TRAPPC9: variants seen among roughly 807,000 people sequenced by gnomAD.
The protein encoded by TRAPPC9 is IKK2 binding protein.
TRAPPC9 carries 83 observed loss-of-function variants against 124.0 expected under a neutral mutation model. That is an observed-to-expected ratio of 0.67 (90% confidence interval 0.56 to 0.80). The LOEUF (loss-of-function observed/expected upper bound fraction) is 0.80. Ranked by LOEUF, TRAPPC9 falls within the 30% of genes least tolerant of loss-of-function variation. TRAPPC9 has a pLI of 0.00. For synonymous variants in TRAPPC9, 638 were observed against 617.5 expected (o/e 1.03, Z -0.49); for missense variants, 1,302 against 1,508.3 (o/e 0.86, Z 2.27).
chr8:139,735,882 TAAG>T (rs1395834707), intron 21 of TRAPPC9, among the ~76,000 whole-genome samples: 1 of 152,144 alleles, frequency 6.6e-6, no homozygotes, highest in Non-Finnish European at 1.5e-5. Flanking sequence ...TGCTACTTTC[TAAG>T]AAGAGGGGAA....
At chr8:139,881,050 C>T (rs951340640) in intron 21 of TRAPPC9, 3 of 152,262 alleles carry the variant, frequency 2.0e-5, no homozygotes, top group Admixed American at 1.3e-4. Context: ...CAACATGCCT[C>T]TGTGCCCACA....
intron 19 of TRAPPC9, chr8:139,933,999 G>T (rs970190945): frequency 6.6e-6 from 1 of 152,120 alleles, no homozygotes; most frequent in African/African-American, 2.4e-5. Context: ...CTACATGATC[G>T]TAATACCATC....
intron 16 of TRAPPC9, among the ~76,000 whole-genome samples, chr8:140,242,032 AAAAG>A (rs1436226568): frequency 3.3e-5 from 5 of 152,130 alleles, no homozygotes; most frequent in Admixed American, 1.3e-4. Flanking sequence ...GGTTGGCAGA[AAAAG>A]AGAGACGGAC....
chr8:140,214,196 A>G (rs1048533637), intron 17 of TRAPPC9, among the ~76,000 whole-genome samples: 2 of 152,204 alleles, frequency 1.3e-5, no homozygotes, highest in Admixed American at 6.5e-5. Context: ...AGGGCTCTCA[A>G]TGGAGCCCCT....
chr8:139,887,782 G>A (rs1467929898), intron 20 of TRAPPC9, among the ~76,000 whole-genome samples: 4 of 152,194 alleles, frequency 2.6e-5, no homozygotes, highest in African/African-American at 9.7e-5. Context: ...TAGCCTGTGA[G>A]CTCCATGAAG....
At chr8:140,142,697 C>A (rs1368835366) in intron 17 of TRAPPC9, among the ~76,000 whole-genome samples, 9 of 152,216 alleles carry the variant, frequency 5.9e-5, no homozygotes, top group Non-Finnish European at 4.4e-5. Flanking sequence ...GGGTTATTTT[C>A]CACATAGGAT....
chr8:140,406,357 A>G (rs2069487187), intron 5 of TRAPPC9, among the ~76,000 whole-genome samples: 1 of 152,218 alleles, frequency 6.6e-6, no homozygotes, highest in Non-Finnish European at 1.5e-5. Flanking sequence ...CTAAATCTCA[A>G]TAGCAGGGAA....
intron 9 of TRAPPC9, among the ~76,000 whole-genome samples, chr8:140,313,259 AT>A: frequency 6.6e-6 from 1 of 152,230 alleles, no homozygotes; most frequent in African/African-American, 2.4e-5. Context: ...CAGAGCACTT[AT>A]GGTTGAGGTA....
chr8:140,422,733 G>A (rs1366101308), intron 5 of TRAPPC9, among the ~76,000 whole-genome samples: 4 of 120,888 alleles, frequency 3.3e-5, no homozygotes, highest in Admixed American at 9.6e-5. Flanking sequence ...CAGCCTGGGC[G>A]ACAAAGCAAG....
chr8:140,419,276 A>G (rs1588319045), intron 5 of TRAPPC9, among the ~76,000 whole-genome samples: 1 of 151,740 alleles, frequency 6.6e-6, no homozygotes, highest in East Asian at 2.0e-4. Flanking sequence ...AAAATACAAA[A>G]AAATTAGCCG....
intron 17 of TRAPPC9, among the ~76,000 whole-genome samples, chr8:140,094,625 A>G (rs1279666337): frequency 1.3e-5 from 2 of 152,156 alleles, no homozygotes; most frequent in African/African-American, 4.8e-5. Context: ...GAGGGGAGGG[A>G]AGGAGAGGGA....
At chr8:139,762,386 G>A (rs889135054) in intron 21 of TRAPPC9, among the ~76,000 whole-genome samples, 10 of 152,136 alleles carry the variant, frequency 6.6e-5, no homozygotes, top group African/African-American at 2.4e-4. Flanking sequence ...TGAGAAATGC[G>A]TCATTAGGCG....
intron 4 of TRAPPC9, among the ~76,000 whole-genome samples, chr8:140,427,092 A>ATTTT (rs11464909): frequency 1.4e-5 from 2 of 138,406 alleles, no homozygotes; most frequent in East Asian, 2.1e-4. Context: ...CGACCGGCTA[A>ATTTT]TTTTTTTTTT....
At chr8:140,138,883 T>C (rs2061343116) in intron 17 of TRAPPC9, among the ~76,000 whole-genome samples, 2 of 152,068 alleles carry the variant, frequency 1.3e-5, no homozygotes, top group South Asian at 2.1e-4. Context: ...GAGTGGCCAA[T>C]GTCTGCAGCC....
intron 1 of TRAPPC9, among the ~76,000 whole-genome samples, chr8:140,456,169 G>A (rs2071656158): frequency 6.6e-6 from 1 of 152,152 alleles, no homozygotes; most frequent in Admixed American, 6.5e-5. Flanking sequence ...CAGTACTTTG[G>A]GAGGCCAAGG....
At chr8:140,211,007 C>T (rs990022262) in intron 17 of TRAPPC9, among the ~76,000 whole-genome samples, 7 of 151,614 alleles carry the variant, frequency 4.6e-5, no homozygotes, top group Admixed American at 3.9e-4. Flanking sequence ...GTTGTATATC[C>T]TAGGGTTTTT....
At chr8:140,271,718 CTCTCA>C (rs1449150047) in intron 15 of TRAPPC9, among the ~76,000 whole-genome samples, 1 of 152,258 alleles carries the variant, frequency 6.6e-6, no homozygotes, top group Non-Finnish European at 1.5e-5. Context: ...ACTCTCACCA[CTCTCA>C]TCTCAAGAAT....
At chr8:140,384,896 C>G (rs1160619319) in intron 7 of TRAPPC9, among the ~76,000 whole-genome samples, 1 of 152,112 alleles carries the variant, frequency 6.6e-6, no homozygotes, top group African/African-American at 2.4e-5. Context: ...GCACTTATTC[C>G]AAAATTGACC....
At chr8:140,120,095 G>A (rs1040111865) in intron 17 of TRAPPC9, among the ~76,000 whole-genome samples, 3 of 152,118 alleles carry the variant, frequency 2.0e-5, no homozygotes, top group Non-Finnish European at 2.9e-5. Flanking sequence ...TGAACCCCTG[G>A]GTGTTTGGCA....
Sources: allele counts gnomAD v4.1 joint callset (sites outside exome capture counted in the v4.1 genomes callset), GRCh38; gene constraint gnomAD v4.1.1; transcripts MANE v1.5; gene names NCBI Gene and HGNC (gene_info 2026-07-23, HGNC 2026-07-21).